PRICKLE2: variants seen among roughly 807,000 people sequenced by gnomAD.
The protein encoded by PRICKLE2 is prickle-like protein 2.
A neutral mutation model predicts 81.4 loss-of-function variants in PRICKLE2; 21 were observed. The ratio of observed to expected loss-of-function variants is 0.26; its 90% CI spans 0.18 to 0.37. The LOEUF is 0.37. Ranked by LOEUF, PRICKLE2 falls within the 10% of genes least tolerant of loss-of-function variation. PRICKLE2 has a pLI of 1.00. For missense variants in PRICKLE2, 940 were observed against 1,109.0 expected (o/e 0.85, Z 2.16); for synonymous variants, 456 against 421.5 (o/e 1.08, Z -1.00).
intron 2 of PRICKLE2, 160 bp from the exon 3 acceptor site, chr3:64,163,289 A>G (rs2077764441): frequency 2.9e-6 from 2 of 679,966 alleles, no homozygotes; most frequent in Admixed American, 4.2e-5. Flanking sequence ...TGGTAAGCAG[A>G]GAAATTCATC....
chr3:64,103,078 A>C (rs770278517), intron 7 of PRICKLE2: 2 of 152,178 alleles, frequency 1.3e-5, no homozygotes, highest in Non-Finnish European at 2.9e-5. Context: ...TATTTTTATA[A>C]CTTTTTTTAA....
intron 7 of PRICKLE2, among the ~76,000 whole-genome samples, chr3:64,131,983 C>A (rs1338554602): frequency 6.6e-6 from 1 of 152,194 alleles, no homozygotes; most frequent in Non-Finnish European, 1.5e-5. Flanking sequence ...TTCCTCTTGA[C>A]AACTATAATC....
At chr3:64,175,523 G>A (rs574822916) in intron 2 of PRICKLE2, among the ~76,000 whole-genome samples, 6 of 152,216 alleles carry the variant, frequency 3.9e-5, no homozygotes, top group South Asian at 2.1e-4. Context: ...CAAGGGTCCC[G>A]AAATTTTCTT....
At chr3:64,130,322 T>C (rs2077178239) in intron 7 of PRICKLE2, among the ~76,000 whole-genome samples, 1 of 152,170 alleles carries the variant, frequency 6.6e-6, no homozygotes, top group African/African-American at 2.4e-5. Flanking sequence ...TTTAATCCCA[T>C]GAAAAAGTTT....
chr3:64,159,830 T>C (rs1227427829), intron 4 of PRICKLE2, 110 bp downstream of exon 4: 1 of 1,399,752 alleles, frequency 7.1e-7, no homozygotes. Context: ...TTTTGTTCAC[T>C]ACTGTATCTC....
intron 2 of PRICKLE2, among the ~76,000 whole-genome samples, chr3:64,175,995 C>T (rs1051272927): frequency 6.6e-6 from 1 of 152,190 alleles, no homozygotes; most frequent in East Asian, 1.9e-4. Context: ...ACCCATCATC[C>T]ATGTGTTAGT....
chr3:64,263,310 T>G (rs2079644088), intron 2 of PRICKLE2, among the ~76,000 whole-genome samples: 1 of 152,148 alleles, frequency 6.6e-6, no homozygotes, highest in Non-Finnish European at 1.5e-5. Flanking sequence ...GAACATACCA[T>G]TTTACAGATA....
intron 2 of PRICKLE2, among the ~76,000 whole-genome samples, chr3:64,266,547 A>G (rs915419778): frequency 1.3e-5 from 2 of 152,218 alleles, no homozygotes; most frequent in African/African-American, 4.8e-5. Flanking sequence ...GAGCAGAATC[A>G]GCTGCATATA....
intron 7 of PRICKLE2, among the ~76,000 whole-genome samples, chr3:64,127,125 T>G (rs978859852): frequency 6.6e-6 from 1 of 152,098 alleles, no homozygotes; most frequent in Non-Finnish European, 1.5e-5. Flanking sequence ...AAGTAAAATA[T>G]ACACTATGTC....
intron 7 of PRICKLE2, chr3:64,146,438 A>T (rs185289995): frequency 4.1e-6 from 1 of 241,826 alleles, no homozygotes; most frequent in Non-Finnish European, 8.3e-6. Flanking sequence ...CGTGGCAGAA[A>T]CAACATTAAA....
chr3:64,144,934 A>G (rs1451009959), intron 7 of PRICKLE2, among the ~76,000 whole-genome samples: 1 of 152,186 alleles, frequency 6.6e-6, no homozygotes, highest in Non-Finnish European at 1.5e-5. Flanking sequence ...ATAGGTGTTA[A>G]GTACTAATCT....
chr3:64,215,057 G>A (rs911297719), intron 1 of PRICKLE2, among the ~76,000 whole-genome samples: 12 of 151,904 alleles, frequency 7.9e-5, no homozygotes, highest in African/African-American at 1.2e-4. Context: ...TTCCACCACC[G>A]TTTGTTTTTT....
intron 2 of PRICKLE2, among the ~76,000 whole-genome samples, chr3:64,187,999 T>G (rs147091231): frequency 2.1e-3 from 320 of 152,298 alleles, no homozygotes; most frequent in African/African-American, 7.1e-3. Flanking sequence ...CCTTTAACAA[T>G]CAGCCTTGTA....
intron 7 of PRICKLE2, among the ~76,000 whole-genome samples, chr3:64,105,196 C>G (rs1441406344): frequency 2.0e-5 from 3 of 151,588 alleles, no homozygotes; most frequent in Admixed American, 2.0e-4. Context: ...ACCTCCTCAG[C>G]AGTGTCATTT....
intron 2 of PRICKLE2, among the ~76,000 whole-genome samples, chr3:64,249,985 T>C (rs888867290): frequency 1.3e-5 from 2 of 152,236 alleles, no homozygotes; most frequent in Admixed American, 1.3e-4. Context: ...GCTCAAGGCC[T>C]GAATATTCTT....
chr3:64,132,728 T>C (rs1036096486), intron 7 of PRICKLE2, among the ~76,000 whole-genome samples: 2 of 152,182 alleles, frequency 1.3e-5, no homozygotes. Flanking sequence ...GATAAAACAG[T>C]GTGGCTGGGG....
At chr3:64,248,131 A>C (rs1029593765) in intron 2 of PRICKLE2, among the ~76,000 whole-genome samples, 1 of 152,218 alleles carries the variant, frequency 6.6e-6, no homozygotes, top group African/African-American at 2.4e-5. Flanking sequence ...CTATCTCACC[A>C]GATGAAAATG....
intron 2 of PRICKLE2, among the ~76,000 whole-genome samples, chr3:64,231,472 G>C (rs932657396): frequency 2.4e-4 from 36 of 151,854 alleles, no homozygotes; most frequent in African/African-American, 8.3e-4. Flanking sequence ...TAAAGGACTA[G>C]GAGAACAACA....
At chr3:64,141,664 G>A (rs1233119062) in intron 7 of PRICKLE2, 1 of 269,178 alleles carries the variant, frequency 3.7e-6, no homozygotes, top group Non-Finnish European at 5.7e-6. Flanking sequence ...CAAGGAGAAG[G>A]GACTGTACAC....
Sources: gnomAD v4.1 joint callset for allele counts (sites outside exome capture counted in the v4.1 genomes callset) on GRCh38, gnomAD v4.1.1 for gene constraint, MANE v1.5 for transcripts, NCBI Gene and HGNC (gene_info 2026-07-23, HGNC 2026-07-21) for gene names.